The following STEAP3 variants were observed in gnomAD, a reference collection of about 807,000 sequenced individuals.
STEAP3 encodes the protein metalloreductase STEAP3.
STEAP3 carries 35 observed loss-of-function variants against 34.9 expected under a neutral mutation model. That is an observed-to-expected ratio of 1.00 (90% CI 0.76 to 1.33). The LOEUF is 1.33. Among genes scored for constraint, STEAP3 ranks in the 40% most tolerant of loss-of-function variants. STEAP3 has a pLI of 0.00. For missense variants in STEAP3, 652 were observed against 667.6 expected, an observed-to-expected ratio of 0.98 and a Z score of 0.26; for synonymous variants, 281 against 301.6, an observed-to-expected ratio of 0.93 and a Z score of 0.71.
intron 2 of STEAP3, among the ~76,000 whole-genome samples, chr2:119,235,732 G>A (rs529626084): frequency 1.5e-4 from 23 of 152,360 alleles, no homozygotes; most frequent in Non-Finnish European, 2.5e-4. Context: ...GTACTGTCCA[G>A]TGAGACGTAT....
Position 119,254,743 on chromosome 2 carries a change from C to A in STEAP3, c.1110C>A (p.Tyr370Ter). The A allele has an allele frequency of 2.5e-6, 4 of 1,614,184 alleles. No individual in the cohort carries two copies. Among genetic ancestry groups the A allele is most frequent in the Non-Finnish European group, 3.4e-6 (4 of 1,180,018 alleles). ...VEEEVWRMEI[Y>*]LSLGVLALGT... ...AGGAGGTCTGGCGGATGGAGATCTA[C>A]CTCTCCCTGGGAGTGCTGGCCCTCG... The change falls in exon 5 of 6, where the codon TAC becomes TAA. Residue 370 changes from tyrosine to a stop codon, truncating the protein, a stop_gained. Transcript: ENST00000393110. LOFTEE classifies it high-confidence loss of function.
At position 119,223,859 on chromosome 2, in the gene STEAP3, C is replaced by G. The variant is rs529074237; in HGVS notation, c.-423C>G. 1.3e-5 allele frequency: 2 copies of G among 152,258 alleles called. No individual in the cohort carries two copies. Among genetic ancestry groups the G allele is most frequent in the Non-Finnish European group, 2.9e-5 (2 of 68,068 alleles). 9.4% of individuals were successfully genotyped at this position (152,258 alleles called of 1,614,324 possible). On this transcript the variant is annotated 5_prime_UTR_variant, in exon 1 of 6. Transcript: ENST00000393110. ...GCCTTCGCCGCGGACCTTCAGCTGC[C>G]GCGGTCGCTCCGAGCGGCGGGCCGC...
At chr2:119,232,926 G>T (rs1216525954) in intron 2 of STEAP3, among the ~76,000 whole-genome samples, 1 of 152,166 alleles carries the variant, frequency 6.6e-6, no homozygotes, top group African/African-American at 2.4e-5. Flanking sequence ...AAGGCACTGG[G>T]CCTTCCTGTT....
At chr2:119,225,569 A>G (rs1679011540) in intron 1 of STEAP3, among the ~76,000 whole-genome samples, 2 of 152,222 alleles carry the variant, frequency 1.3e-5, no homozygotes, top group South Asian at 2.1e-4. Context: ...TCTCCCATTC[A>G]TATCTCCTAT....
At chr2:119,259,310 C>A (rs961509636) in intron 5 of STEAP3, among the ~76,000 whole-genome samples, 3 of 152,192 alleles carry the variant, frequency 2.0e-5, no homozygotes, top group Non-Finnish European at 4.4e-5. Context: ...TCTTATTAAT[C>A]GCCTCATGAC....
Position 119,263,869 on chromosome 2 carries a change from C to T in STEAP3, c.*531C>T, listed in dbSNP as rs1678026695. ...ATGTGAGCAGCGGCTGGTCTCTTCCCTCCACCTGGGGCAGCAGCAGGAGGC... is the reference window on the plus strand; with the variant it reads ...ATGTGAGCAGCGGCTGGTCTCTTCCTTCCACCTGGGGCAGCAGCAGGAGGC... On this transcript the variant is annotated 3_prime_UTR_variant, in exon 6 of 6. Coordinates refer to ENST00000393110, the MANE Select transcript of STEAP3 (RefSeq NM_182915.3). The T allele has an allele frequency of 5.4e-6, 1 of 185,986 alleles. No homozygotes were observed. Among genetic ancestry groups the T allele is most frequent in the African/African-American group, 2.4e-5 (1 of 42,012 alleles). 11.5% of individuals were successfully genotyped at this position (185,986 alleles called of 1,614,324 possible).
At chr2:119,251,359 T>G (rs748921927) in intron 4 of STEAP3, among the ~76,000 whole-genome samples, 2 of 152,212 alleles carry the variant, frequency 1.3e-5, no homozygotes, top group African/African-American at 4.8e-5. Flanking sequence ...CAAAGGTGTA[T>G]GCCAGCTGTA....
At chr2:119,233,069 G>T (rs558336352) in intron 2 of STEAP3, among the ~76,000 whole-genome samples, 35 of 152,204 alleles carry the variant, frequency 2.3e-4, no homozygotes, top group Non-Finnish European at 4.7e-4. Context: ...GTTTGGAAGG[G>T]CCAAGGAGAC....
chr2:119,260,109 A>C (rs77563053), intron 5 of STEAP3, among the ~76,000 whole-genome samples: 3,260 of 152,210 alleles, frequency 0.021, 98 homozygotes, highest in African/African-American at 0.073. Flanking sequence ...TCCCCGGGTG[A>C]TTCTAATGTG....
rs1553441657 is a variant in STEAP3, at chr2:119,263,701, G to A, written c.*363G>A. On this transcript the variant is annotated 3_prime_UTR_variant, in exon 6 of 6. Transcript: ENST00000393110. Reference sequence around the variant, plus strand: ...ATACACACACTTTTTGTACAGAAGAGGCTTGTGCTGTGGTGGGTTCGATTT... The same window carrying A: ...ATACACACACTTTTTGTACAGAAGAAGCTTGTGCTGTGGTGGGTTCGATTT... The A allele has an allele frequency of 2.8e-6, 1 of 357,820 alleles. No individual in the cohort carries two copies. The highest frequency in any genetic ancestry group is 5.4e-6 in the Non-Finnish European group (1 of 186,442). The allele number at this position is 357,820 out of a possible 1,614,324, so 22.2% of individuals were successfully genotyped here.
chr2:119,238,978 G>A (rs1303071525), intron 2 of STEAP3, among the ~76,000 whole-genome samples: 4 of 152,108 alleles, frequency 2.6e-5, no homozygotes, highest in African/African-American at 7.2e-5. Flanking sequence ...AAGTGGGGGC[G>A]GGGGGTGGAC....
intron 4 of STEAP3, among the ~76,000 whole-genome samples, chr2:119,253,979 C>T (rs185442217): frequency 1.8e-4 from 27 of 151,748 alleles, no homozygotes; most frequent in African/African-American, 6.1e-4. Flanking sequence ...TGAGCCAAGG[C>T]TGTGTGCCTC....
Position 119,229,120 on chromosome 2 carries a change from G to A in STEAP3, c.-393-1500G>A, listed in dbSNP as rs185452297. 2.1e-4 allele frequency among the ~76,000 whole-genome samples: 32 copies of A among 152,210 alleles called. No homozygotes were observed. In the East Asian group the frequency reaches 4.8e-3, roughly 23 times the overall value. ...ACCCACCCACTTAAACTGCCCGGGC[G>A]ATTCTGGTGTTCACAAATATTTGAA... On this transcript the variant is annotated intron_variant, in intron 1 of 5. Coordinates refer to ENST00000393110, the MANE Select transcript of STEAP3 (RefSeq NM_182915.3).
chr2:119,260,351 T>G (rs955926959), intron 5 of STEAP3, among the ~76,000 whole-genome samples: 2 of 151,914 alleles, frequency 1.3e-5, no homozygotes, highest in Non-Finnish European at 2.9e-5. Flanking sequence ...TCACTCTTGT[T>G]GCCCAGGCTG....
chr2:119,257,377 G>A (rs1448465173), intron 5 of STEAP3: 11 of 1,381,414 alleles, frequency 8.0e-6, no homozygotes, highest in South Asian at 7.3e-5. Flanking sequence ...CCTCCCATCC[G>A]TGGACTCAGA....
At chr2:119,229,286 G>T (rs1404451432) in intron 1 of STEAP3, among the ~76,000 whole-genome samples, 1 of 152,140 alleles carries the variant, frequency 6.6e-6, no homozygotes, top group African/African-American at 2.4e-5. Context: ...GGGATTACAG[G>T]TGTGCTCCAC....
rs1558761190 is a variant in STEAP3, at chr2:119,263,231, A to G, written c.1390A>G (p.Ile464Val). Residue 464 changes from isoleucine to valine, a missense_variant, in exon 6 of 6, where the codon ATC becomes GTC. Ile to Val is a conservative substitution (Grantham distance 29, BLOSUM62 3). Transcript: ENST00000393110. ...LAKALFLLPC[I>V]SRRLARIRRG... ...CAAAGCCCTGTTTCTCCTGCCCTGC[A>G]TCAGCCGCAGACTCGCCAGGATCCG... 6.2e-7 allele frequency: 1 copy of G among 1,614,110 alleles called. No individual in the cohort carries two copies. The highest frequency in any genetic ancestry group is 8.5e-7 in the Non-Finnish European group (1 of 1,180,028).
rs755212403 is a variant in STEAP3 at position 119,245,785 on chromosome 2, T to C, written c.319T>C (p.Ser107Pro). ...TGTGGCTGTGTTCCGGGAGCACTACTCTTCACTGTGCAGTCTCAGTGACCA... is the reference window on the plus strand; with the variant it reads ...TGTGGCTGTGTTCCGGGAGCACTACCCTTCACTGTGCAGTCTCAGTGACCA... Reference protein sequence around the residue: ...IFVAVFREHYSSLCSLSDQLA... With the variant: ...IFVAVFREHYPSLCSLSDQLA... The change falls in exon 3 of 6, where the codon TCT (serine) becomes CCT (proline). Residue 107 changes from serine to proline, a missense_variant. Physicochemically the swap from Ser to Pro is moderately conservative, Grantham distance 74 (BLOSUM62 -1). Transcript: ENST00000393110. 9 of 1,614,084 alleles carry C rather than the reference T, an allele frequency of 5.6e-6. No individual in the cohort carries two copies. In the South Asian group the frequency reaches 6.6e-5, roughly 12 times the overall value.
chr2:119,224,080 C>G (rs370050892), intron 1 of STEAP3, among the ~76,000 whole-genome samples, 192 bp downstream of exon 1: 1 of 152,214 alleles, frequency 6.6e-6, no homozygotes, highest in African/African-American at 2.4e-5. Flanking sequence ...GGGCCCCCAC[C>G]CCGTGTGCCT....
Sources: allele counts gnomAD v4.1 joint callset (sites outside exome capture counted in the v4.1 genomes callset), GRCh38; gene constraint gnomAD v4.1.1; transcripts MANE v1.5; gene names NCBI Gene and HGNC (gene_info 2026-07-23, HGNC 2026-07-21).